The following CTNNA3 variants were observed in gnomAD, a reference collection of about 807,000 sequenced individuals.
The protein encoded by CTNNA3 is catenin alpha-3.
In CTNNA3, 76 loss-of-function variants were observed where a neutral mutation model predicts 95.7. The observed-to-expected ratio is 0.79, with a 90% CI of 0.66 to 0.96. CTNNA3 has a LOEUF of 0.96. CTNNA3 is among the 40% of genes least tolerant of loss of function. CTNNA3 has a pLI of 0.00. For synonymous variants in CTNNA3, 431 were observed against 374.4 expected (o/e 1.15, Z -1.74); for missense variants, 1,191 against 1,089.8 (o/e 1.09, Z -1.31).
chr10:66,938,014 C>T (rs944290578), intron 7 of CTNNA3, among the ~76,000 whole-genome samples: 4 of 151,974 alleles, frequency 2.6e-5, no homozygotes, highest in Non-Finnish European at 5.9e-5. Context: ...CCAATGGTGG[C>T]TGATACAGTC....
chr10:66,547,826 G>T (rs907506848), intron 10 of CTNNA3, among the ~76,000 whole-genome samples: 19 of 151,972 alleles, frequency 1.3e-4, no homozygotes, highest in African/African-American at 4.6e-4. Context: ...TATAGATTTC[G>T]GTCTTCACAC....
At chr10:67,750,895 A>G (rs2131747886) in intron 1 of CTNNA3, 1 of 1,610,784 alleles carries the variant, frequency 6.2e-7, no homozygotes, top group Non-Finnish European at 8.5e-7. Flanking sequence ...CTCCAAGGGC[A>G]TCACCATTAT....
intron 1 of CTNNA3, among the ~76,000 whole-genome samples, chr10:67,690,573 G>C (rs1840824932): frequency 6.6e-6 from 1 of 152,104 alleles, no homozygotes; most frequent in Non-Finnish European, 1.5e-5. Context: ...GCGCTGATTG[G>C]TGCATTTTTG....
At position 66,420,053 on chromosome 10, in the gene CTNNA3, C is replaced by A. The variant is rs184069152; in HGVS notation, c.1532-40701G>T. The stretch of plus-strand genomic sequence containing the variant: ...TAGACAAATGAGACTATATTAAAAT[C>A]AAAAACTTCTGCATAGCAAAGGAAA... On this transcript the variant is annotated intron_variant, in intron 11 of 17. Transcript: ENST00000433211. 8.0e-4 allele frequency among the ~76,000 whole-genome samples: 122 copies of A among 151,816 alleles called. 4 individuals carry two copies. The East Asian group carries it at 0.023, about 28-fold the overall frequency.
rs186629859 is a variant in CTNNA3, at chr10:67,251,203, C to T, written c.580-31333G>A. ...CAACAACGTGGATGAATCTTGAAAA[C>T]ATTATGCTAAGTAAAAGAAGCCAAT... On this transcript the variant is annotated intron_variant, in intron 5 of 17. Transcript: ENST00000433211. Among the ~76,000 whole-genome samples, 31 of 152,200 alleles carry T rather than the reference C, an allele frequency of 2.0e-4. No individual in the cohort carries two copies. In the East Asian group the frequency reaches 6.0e-3, roughly 29 times the overall value.
At chr10:65,980,301 A>G (rs2078291607) in intron 16 of CTNNA3, among the ~76,000 whole-genome samples, 1 of 152,008 alleles carries the variant, frequency 6.6e-6, no homozygotes, top group South Asian at 2.1e-4. Flanking sequence ...TGAACAGGTC[A>G]ATAATATGCA....
intron 1 of CTNNA3, among the ~76,000 whole-genome samples, chr10:67,713,926 C>T (rs563203743): frequency 2.0e-5 from 3 of 151,292 alleles, no homozygotes; most frequent in Non-Finnish European, 4.4e-5. Flanking sequence ...ATGTTCTGCA[C>T]ATGTATCCCA....
At chr10:65,981,234 G>A (rs973848413) in intron 16 of CTNNA3, among the ~76,000 whole-genome samples, 2 of 151,366 alleles carry the variant, frequency 1.3e-5, no homozygotes, top group Admixed American at 6.6e-5. Context: ...GAACTCAACC[G>A]TTTTTTTACA....
intron 7 of CTNNA3, among the ~76,000 whole-genome samples, chr10:66,979,353 T>C (rs947261685): frequency 3.3e-5 from 5 of 152,174 alleles, no homozygotes; most frequent in African/African-American, 1.2e-4. Context: ...TAGTATTCAA[T>C]TGAGTTTTAA....
chr10:67,430,713 C>T (rs1341545220), intron 5 of CTNNA3, among the ~76,000 whole-genome samples: 6 of 151,416 alleles, frequency 4.0e-5, no homozygotes, highest in African/African-American at 1.2e-4. Context: ...TGTGAAACAT[C>T]CTTTAATGCA....
intron 13 of CTNNA3, among the ~76,000 whole-genome samples, chr10:66,260,644 A>G (rs2090963346): frequency 6.6e-6 from 1 of 152,158 alleles, no homozygotes; most frequent in Non-Finnish European, 1.5e-5. Flanking sequence ...CAAGCTTTAA[A>G]CAGAGTCAAA....
At chr10:66,691,696 A>C (rs1480599225) in intron 9 of CTNNA3, among the ~76,000 whole-genome samples, 1 of 152,206 alleles carries the variant, frequency 6.6e-6, no homozygotes, top group Non-Finnish European at 1.5e-5. Context: ...GAGAAGCCTA[A>C]GAGGGAGGCA....
At chr10:67,434,228 T>C (rs1846220751) in intron 5 of CTNNA3, among the ~76,000 whole-genome samples, 1 of 152,016 alleles carries the variant, frequency 6.6e-6, no homozygotes, top group African/African-American at 2.4e-5. Flanking sequence ...ACTTGCAAGC[T>C]GAGTAGCCTT....
At chr10:66,747,540 T>C (rs1393184082) in intron 9 of CTNNA3, among the ~76,000 whole-genome samples, 1 of 152,178 alleles carries the variant, frequency 6.6e-6, no homozygotes, top group Non-Finnish European at 1.5e-5. Flanking sequence ...TATGGAAAAC[T>C]GACCTATGCA....
chr10:66,484,526 G>A (rs563881286), intron 11 of CTNNA3, among the ~76,000 whole-genome samples: 1 of 152,076 alleles, frequency 6.6e-6, no homozygotes, highest in South Asian at 2.1e-4. Flanking sequence ...GAAGCAATAT[G>A]ATAATGTGAA....
chr10:65,967,780 A>G (rs1394932870), intron 16 of CTNNA3, among the ~76,000 whole-genome samples: 3 of 152,168 alleles, frequency 2.0e-5, no homozygotes. Flanking sequence ...CTCCTATGCA[A>G]TTATAATAAA....
intron 3 of CTNNA3, among the ~76,000 whole-genome samples, chr10:67,580,531 G>A (rs1842349582): frequency 6.6e-6 from 1 of 151,726 alleles, no homozygotes; most frequent in South Asian, 2.1e-4. Flanking sequence ...GGATTGTCTT[G>A]GCGATGCGGG....
At chr10:66,535,590 A>T (rs1336456300) in intron 10 of CTNNA3, among the ~76,000 whole-genome samples, 1 of 152,206 alleles carries the variant, frequency 6.6e-6, no homozygotes, top group Non-Finnish European at 1.5e-5. Flanking sequence ...GTAATGGATT[A>T]GGAAGAACTG....
rs1345965971 is a variant in CTNNA3 at position 66,667,906 on chromosome 10, A to G, written c.1282-46122T>C. ...TTTTCAAAAAAGATTATAAACTCCC[A>G]GGGTTGAAGCATATACTCTTATAGT... On this transcript the variant is annotated intron_variant, in intron 9 of 17. Transcript: ENST00000433211. Among the ~76,000 whole-genome samples the G allele has an allele frequency of 3.3e-5, 5 of 152,224 alleles. No individual in the cohort carries two copies. The South Asian group carries it at 1.0e-3, about 32-fold the overall frequency.
Sources: allele counts gnomAD v4.1 joint callset (sites outside exome capture counted in the v4.1 genomes callset), GRCh38; gene constraint gnomAD v4.1.1; transcripts MANE v1.5; gene names NCBI Gene and HGNC (gene_info 2026-07-23, HGNC 2026-07-21).